The following ABCC1 variants were observed in gnomAD, a reference collection of about 807,000 sequenced individuals.
ABCC1 encodes the protein ATP binding cassette subfamily C member 1 (ABCC1 blood group).
Under a neutral mutation model 172.9 loss-of-function variants are expected in ABCC1, and 83 were observed. The observed-to-expected ratio is 0.48, with a 90% CI of 0.40 to 0.58. ABCC1 has a LOEUF of 0.58. Among genes scored for constraint, ABCC1 ranks in the 20% least tolerant of loss-of-function variants. ABCC1 has a pLI of 0.00. For missense variants in ABCC1, 1,817 were observed against 2,002.7 expected, an observed-to-expected ratio of 0.91 and a Z score of 1.77; for synonymous variants, 937 against 825.2, an observed-to-expected ratio of 1.14 and a Z score of -2.32.
chr16:16,068,960 C>T (rs888478405), intron 13 of ABCC1, among the ~76,000 whole-genome samples: 2 of 149,000 alleles, frequency 1.3e-5, no homozygotes, highest in African/African-American at 5.0e-5. Flanking sequence ...GCATTCCAGT[C>T]TGGGTGACAC....
intron 6 of ABCC1, among the ~76,000 whole-genome samples, chr16:16,034,997 C>T (rs772105310): frequency 1.2e-4 from 18 of 152,078 alleles, no homozygotes; most frequent in South Asian, 4.1e-4. Flanking sequence ...AACGTGGCAA[C>T]GTGTTAACAA....
At chr16:15,960,676 A>ACCC (rs2046106953) in intron 1 of ABCC1, among the ~76,000 whole-genome samples, 2 of 152,052 alleles carry the variant, frequency 1.3e-5, no homozygotes, top group African/African-American at 4.8e-5. Context: ...GTGAGGTTTG[A>ACCC]CCCCAGAGCT....
chr16:16,122,207 G>A (rs771921809), intron 24 of ABCC1, 33 bp downstream of exon 24: 3 of 1,611,142 alleles, frequency 1.9e-6, no homozygotes, highest in Non-Finnish European at 2.5e-6. Flanking sequence ...AGCGGGTGGA[G>A]GAGGCCGCCT....
In ABCC1 at chr16:16,141,525, G is replaced by A; in HGVS notation, c.*244G>A. 1 of 508,948 alleles carries A rather than the reference G, an allele frequency of 2.0e-6. No homozygotes were observed. Among genetic ancestry groups the A allele is most frequent in the South Asian group, 2.7e-5 (1 of 37,190 alleles). The allele number at this position is 508,948 out of a possible 1,614,324, so 31.5% of individuals were successfully genotyped here. Reference sequence around the variant, plus strand: ...CCAAAACACGCACACCCTGCCCCTGGTGCCCTGAGACAGACACACAGCCTC... The same window carrying A: ...CCAAAACACGCACACCCTGCCCCTGATGCCCTGAGACAGACACACAGCCTC... On this transcript the variant is annotated 3_prime_UTR_variant, in exon 31 of 31. Transcript: ENST00000399410.
chr16:16,044,332 G>C (rs530967561), intron 7 of ABCC1, 118 bp from the exon 8 acceptor site: 1 of 887,770 alleles, frequency 1.1e-6, no homozygotes, highest in Admixed American at 2.3e-5. Flanking sequence ...CTCTTTCCCT[G>C]GGCTTGTTGT....
chr16:15,975,521 T>C lies in ABCC1; in HGVS notation c.48+25722T>C, dbSNP rs45461998. On this transcript the variant is annotated intron_variant, in intron 1 of 30. Coordinates refer to ENST00000399410, the MANE Select transcript of ABCC1 (RefSeq NM_004996.4). ...GCTCTTCAGATAGATTTAATCACCTTTTATTTATGTTTTGTGGTGGTTTTT... is the reference window on the plus strand; with the variant it reads ...GCTCTTCAGATAGATTTAATCACCTCTTATTTATGTTTTGTGGTGGTTTTT... Among the ~76,000 whole-genome samples, 1,131 of 151,330 alleles carry C rather than the reference T, an allele frequency of 7.5e-3. 23 individuals carry two copies. The highest frequency in any genetic ancestry group is 0.026 in the African/African-American group (1,063 of 41,288).
At chr16:16,030,360 A>G (rs930779804) in intron 5 of ABCC1, among the ~76,000 whole-genome samples, 1 of 152,076 alleles carries the variant, frequency 6.6e-6, no homozygotes, top group Non-Finnish European at 1.5e-5. Flanking sequence ...CCCCATCTCT[A>G]CTAAAGATAC....
chr16:15,971,329 T>C (rs1373615078), intron 1 of ABCC1, among the ~76,000 whole-genome samples: 1 of 152,102 alleles, frequency 6.6e-6, no homozygotes, highest in East Asian at 1.9e-4. Flanking sequence ...GCCATGTTGC[T>C]AGGAACATGT....
chr16:16,069,373 TTTTTTTG>T (rs1246344107), intron 13 of ABCC1, among the ~76,000 whole-genome samples: 2 of 151,480 alleles, frequency 1.3e-5, no homozygotes, highest in African/African-American at 4.9e-5. Flanking sequence ...AGACCCTGTT[TTTTTTTG>T]TTTTTTGTTT....
intron 1 of ABCC1, among the ~76,000 whole-genome samples, chr16:15,958,178 T>C (rs978793745): frequency 6.6e-6 from 1 of 152,212 alleles, no homozygotes; most frequent in African/African-American, 2.4e-5. Context: ...GAATCTCGGC[T>C]CACTGCAACC....
chr16:16,074,620 T>G (rs539241509), intron 14 of ABCC1, among the ~76,000 whole-genome samples: 16 of 152,184 alleles, frequency 1.1e-4, no homozygotes, highest in Non-Finnish European at 2.1e-4. Context: ...TTTAGCACGC[T>G]CTAGCCAGTG....
Position 16,093,972 on chromosome 16 carries a change from C to T in ABCC1, c.2644+3384C>T, listed in dbSNP as rs572395176. Among the ~76,000 whole-genome samples the T allele has an allele frequency of 7.1e-3, 848 of 119,900 alleles. 6 individuals are homozygous for T. Among genetic ancestry groups the T allele is most frequent in the South Asian group, 0.016 (56 of 3,414 alleles). The allele number at this position is 119,900 out of a possible 152,430, so 78.7% of individuals were successfully genotyped here. A position where few individuals can be genotyped will look rare whatever the true frequency, so the allele number is the denominator to read the frequency against. ...TATATCTTTTTTACTGTTTGTCTCC[C>T]TCTCTCCTTTTTTTTTTTTTTTTTT... On this transcript the variant is annotated intron_variant, in intron 19 of 30. Transcript: ENST00000399410.
At chr16:16,002,187 T>C (rs1381602358) in intron 1 of ABCC1, among the ~76,000 whole-genome samples, 1 of 152,230 alleles carries the variant, frequency 6.6e-6, no homozygotes, top group Non-Finnish European at 1.5e-5. Flanking sequence ...GTGAGGAAAC[T>C]GTTCATGTAT....
chr16:16,007,191 G>C (rs1382589859), intron 1 of ABCC1, among the ~76,000 whole-genome samples: 1 of 145,650 alleles, frequency 6.9e-6, no homozygotes, highest in African/African-American at 2.6e-5. Context: ...GTTGTTGGTG[G>C]GTTTTTTTGT....
At chr16:15,998,426 C>T (rs985533163) in intron 1 of ABCC1, among the ~76,000 whole-genome samples, 3 of 152,168 alleles carry the variant, frequency 2.0e-5, no homozygotes, top group East Asian at 3.9e-4. Context: ...TGTGCCCGGT[C>T]CTCAGATGAT....
chr16:15,949,816 G>A lies in ABCC1; in HGVS notation c.48+17G>A. ...CCGCTCTGGGTACGTGCCGGGGGCC[G>A]CGTGAGGCCGGCGGGACGGAGGGAG... is the stretch of plus-strand genomic sequence containing the variant. On this transcript the variant is annotated intron_variant, in intron 1 of 30. Coordinates refer to ENST00000399410, the MANE Select transcript of ABCC1 (RefSeq NM_004996.4). The A allele has an allele frequency of 8.4e-7, 1 of 1,194,496 alleles. No homozygotes were observed. The highest frequency in any genetic ancestry group is 1.0e-6 in the Non-Finnish European group (1 of 963,796). The allele number at this position is 1,194,496 out of a possible 1,614,324, so 74.0% of individuals were successfully genotyped here. A position where few individuals can be genotyped will look rare whatever the true frequency, so the allele number is the denominator to read the frequency against.
At chr16:16,020,406 C>A (rs932747410) in intron 5 of ABCC1, among the ~76,000 whole-genome samples, 1 of 152,196 alleles carries the variant, frequency 6.6e-6, no homozygotes, top group Non-Finnish European at 1.5e-5. Flanking sequence ...TGCCATTTAC[C>A]TTTTTGCAGA....
chr16:16,080,542 C>T (rs550589030), intron 16 of ABCC1, among the ~76,000 whole-genome samples: 13 of 152,262 alleles, frequency 8.5e-5, no homozygotes, highest in East Asian at 1.9e-4. Context: ...CCTAGTGTAA[C>T]GACACGTCCC....
intron 18 of ABCC1, among the ~76,000 whole-genome samples, chr16:16,088,545 C>T (rs752826004): frequency 1.1e-4 from 16 of 152,070 alleles, no homozygotes; most frequent in Non-Finnish European, 1.9e-4. Context: ...CAAATCTGGC[C>T]CACTGCCTGC....
Sources: allele counts gnomAD v4.1 joint callset (sites outside exome capture counted in the v4.1 genomes callset), GRCh38; gene constraint gnomAD v4.1.1; transcripts MANE v1.5; gene names NCBI Gene and HGNC (gene_info 2026-07-23, HGNC 2026-07-21).